Variants in PARD3 observed in about 807,000 individuals in gnomAD.
PARD3 encodes par-3 family cell polarity regulator, also known as partitioning defective 3 homolog.
In PARD3, 75 loss-of-function variants were observed where a neutral mutation model predicts 155.4. The observed-to-expected ratio is 0.48, with a 90% CI of 0.40 to 0.58. The LOEUF (loss-of-function observed/expected upper bound fraction) is 0.58, where lower values mean the gene tolerates loss of function less well. Among genes scored for constraint, PARD3 ranks in the 20% least tolerant of loss-of-function variants. The pLI is 0.00. For missense variants in PARD3, 1,642 were observed against 1,721.7 expected (o/e 0.95, Z 0.82); for synonymous variants, 576 against 610.5 (o/e 0.94, Z 0.83).
At chr10:34,737,605 G>A (rs1032620983) in intron 1 of PARD3, among the ~76,000 whole-genome samples, 2 of 152,290 alleles carry the variant, frequency 1.3e-5, no homozygotes, top group Admixed American at 6.5e-5. Flanking sequence ...TAGAGAGGAG[G>A]TGCCTTTAGA....
At chr10:34,479,155 ATTTAATTTTTTTTTTTTTTTT>A (rs1293747701) in intron 3 of PARD3, among the ~76,000 whole-genome samples, 1 of 146,362 alleles carries the variant, frequency 6.8e-6, no homozygotes, top group African/African-American at 2.6e-5. Context: ...ATTAGCTCAA[ATTTAATTTTTTTTTTTTTTTT>A]TTTGAGACAG....
At chr10:34,480,037 T>C (rs2078974445) in intron 3 of PARD3, among the ~76,000 whole-genome samples, 1 of 152,206 alleles carries the variant, frequency 6.6e-6, no homozygotes, top group South Asian at 2.1e-4. Flanking sequence ...TTTCCATCTT[T>C]CCACTTCTGT....
intron 3 of PARD3, among the ~76,000 whole-genome samples, chr10:34,486,078 G>A (rs568490769): frequency 2.0e-4 from 30 of 151,950 alleles, no homozygotes; most frequent in South Asian, 4.2e-4. Context: ...TGCGTGCCAC[G>A]ATGAGTGGCT....
chr10:34,180,217 T>C (rs1425894789), intron 22 of PARD3, among the ~76,000 whole-genome samples: 2 of 152,132 alleles, frequency 1.3e-5, no homozygotes, highest in Non-Finnish European at 2.9e-5. Flanking sequence ...CTGGCTAATT[T>C]TGTGTTTTTA....
intron 2 of PARD3, among the ~76,000 whole-genome samples, chr10:34,621,231 G>T (rs2091656971): frequency 6.6e-6 from 1 of 151,932 alleles, no homozygotes; most frequent in Admixed American, 6.6e-5. Context: ...TGTTTTGGGG[G>T]TTTCTTTGAG....
intron 20 of PARD3, among the ~76,000 whole-genome samples, chr10:34,310,884 GACAA>G (rs1343175236): frequency 3.9e-5 from 6 of 152,168 alleles, no homozygotes; most frequent in Middle Eastern, 3.2e-3. Flanking sequence ...TTGTCCAGGT[GACAA>G]ACAAGAAAGC....
intron 23 of PARD3, among the ~76,000 whole-genome samples, chr10:34,129,717 T>G (rs1947499291): frequency 6.9e-6 from 1 of 144,450 alleles, no homozygotes; most frequent in African/African-American, 2.5e-5. Flanking sequence ...TTTTTTTTTT[T>G]TGAGCCAGGG....
chr10:34,488,418 G>C (rs1044942824), intron 3 of PARD3, among the ~76,000 whole-genome samples: 1 of 152,070 alleles, frequency 6.6e-6, no homozygotes, highest in Non-Finnish European at 1.5e-5. Flanking sequence ...CTCCCAGGCA[G>C]AAGGGATCCT....
At chr10:34,696,878 G>T (rs907517403) in intron 1 of PARD3, among the ~76,000 whole-genome samples, 6 of 151,822 alleles carry the variant, frequency 4.0e-5, no homozygotes, top group Non-Finnish European at 8.8e-5. Flanking sequence ...CACCCTGGTG[G>T]CTCCAAGTGT....
intron 19 of PARD3, among the ~76,000 whole-genome samples, chr10:34,320,638 A>C (rs918491310): frequency 8.5e-5 from 13 of 152,208 alleles, no homozygotes; most frequent in African/African-American, 2.9e-4. Flanking sequence ...TTCATATTCA[A>C]AATAATTTTC....
intron 2 of PARD3, among the ~76,000 whole-genome samples, chr10:34,660,594 C>G (rs1377640287): frequency 6.6e-6 from 1 of 151,960 alleles, no homozygotes; most frequent in Non-Finnish European, 1.5e-5. Context: ...CAAAACCGGG[C>G]AAATAGCCAT....
At chr10:34,640,735 A>AAAAAAAAAAAAAAAAAAAAAC (rs1396115260) in intron 2 of PARD3, among the ~76,000 whole-genome samples, 1 of 144,688 alleles carries the variant, frequency 6.9e-6, no homozygotes, top group Non-Finnish European at 1.5e-5. Flanking sequence ...AAAAAAAAAA[A>AAAAAAAAAAAAAAAAAAAAAC]AGCACTTTTA....
intron 2 of PARD3, among the ~76,000 whole-genome samples, chr10:34,538,822 G>A (rs182323182): frequency 3.3e-5 from 5 of 152,350 alleles, no homozygotes; most frequent in Admixed American, 3.3e-4. Context: ...AGATCATGCT[G>A]AGTTTCTTCT....
At chr10:34,734,322 CTTTTTTTTTTTTTTTTTTTTT>C (rs142307338) in intron 1 of PARD3, among the ~76,000 whole-genome samples, 1 of 67,980 alleles carries the variant, frequency 1.5e-5, no homozygotes, top group African/African-American at 6.0e-5. Flanking sequence ...ATATGGGGCC[CTTTTTTTTTTTTTTTTTTTTT>C]TTTTTTTTTT....
rs11009712 is a variant in PARD3 at position 34,280,114 on chromosome 10, T to C, written c.3176+4021A>G. Among the ~76,000 whole-genome samples the C allele has an allele frequency of 4.9e-3, 749 of 152,226 alleles. 10 individuals are homozygous for C. In the East Asian group the frequency reaches 0.058, roughly 12 times the overall value. The stretch of plus-strand genomic sequence containing the variant: ...ACATGAGGAGAATATTATTTGAGAG[T>C]TGGGAAATTTGGCCAGATATCATAG... On this transcript the variant is annotated intron_variant, in intron 21 of 24. Transcript: ENST00000374788.
chr10:34,111,144 C>T lies in PARD3; in HGVS notation c.*25G>A, dbSNP rs770754471. 6.6e-7 allele frequency: 1 copy of T among 1,520,292 alleles called. No individual in the cohort carries two copies. Among genetic ancestry groups the T allele is most frequent in the Non-Finnish European group, 8.8e-7 (1 of 1,134,674 alleles). 94.2% of individuals were successfully genotyped at this position (1,520,292 alleles called of 1,614,324 possible). A position where few individuals can be genotyped will look rare whatever the true frequency, so the allele number is the denominator to read the frequency against. On this transcript the variant is annotated 3_prime_UTR_variant, in exon 25 of 25. Coordinates refer to ENST00000374788, the MANE Select transcript of PARD3 (RefSeq NM_001184785.2). ...TAGGAAAATGTCTTTTATTGCGCGACATGAAGCATCCGTTATTTGCGTGCT... is the reference window on the plus strand; with the variant it reads ...TAGGAAAATGTCTTTTATTGCGCGATATGAAGCATCCGTTATTTGCGTGCT...
intron 1 of PARD3, among the ~76,000 whole-genome samples, chr10:34,703,305 C>T (rs981179098): frequency 1.3e-5 from 2 of 151,882 alleles, no homozygotes. Flanking sequence ...AGAAAGACTG[C>T]TTGAGCCCAG....
At chr10:34,698,008 G>T (rs2094206936) in intron 1 of PARD3, among the ~76,000 whole-genome samples, 1 of 152,004 alleles carries the variant, frequency 6.6e-6, no homozygotes, top group African/African-American at 2.4e-5. Context: ...AATGTCCTGG[G>T]GGTGAATAAG....
chr10:34,598,075 C>T (rs10827384), intron 2 of PARD3, among the ~76,000 whole-genome samples: 36,587 of 152,010 alleles, frequency 0.24, 5,500 homozygotes, highest in East Asian at 0.39. Flanking sequence ...ACAACTGTTA[C>T]GCCTAAGTGT....
Sources: gnomAD v4.1 joint callset for allele counts (sites outside exome capture counted in the v4.1 genomes callset) on GRCh38, gnomAD v4.1.1 for gene constraint, MANE v1.5 for transcripts, NCBI Gene and HGNC (gene_info 2026-07-23, HGNC 2026-07-21) for gene names.